ABCB8: variants seen among roughly 807,000 people sequenced by gnomAD.
ABCB8 encodes the protein mitochondrial potassium channel ATP-binding subunit.
In ABCB8, 52 loss-of-function variants were observed where a neutral mutation model predicts 73.0. That is an observed-to-expected ratio of 0.71 (90% CI 0.57 to 0.90). The LOEUF (loss-of-function observed/expected upper bound fraction) is 0.90, where lower values mean the gene tolerates loss of function less well. Among genes scored for constraint, ABCB8 ranks in the 40% least tolerant of loss-of-function variants. The pLI, the probability that ABCB8 is intolerant of heterozygous loss-of-function variation, is 0.00. For missense variants in ABCB8, 909 were observed against 974.6 expected (o/e 0.93, Z 0.90); for synonymous variants, 428 against 423.5 (o/e 1.01, Z -0.13).
In ABCB8 at chr7:151,037,473, C is replaced by T. The variant is rs571834475; in HGVS notation, c.1217+824C>T. On this transcript the variant is annotated intron_variant, in intron 9 of 15. Coordinates refer to ENST00000358849, the MANE Select transcript of ABCB8 (RefSeq NM_007188.5). The stretch of plus-strand genomic sequence containing the variant: ...CCTCTGGGATGACCAGAGCTGATCA[C>T]CAGACAGCTCAAGGCGGGCCTCCCC... 9.7e-4 allele frequency: 608 copies of T among 627,368 alleles called. 3 individuals are homozygous for T. Among genetic ancestry groups the T allele is most frequent in the Admixed American group, 2.4e-3 (104 of 42,504 alleles). 38.9% of individuals were successfully genotyped at this position (627,368 alleles called of 1,614,324 possible). A position where few individuals can be genotyped will look rare whatever the true frequency, so the allele number is the denominator to read the frequency against.
At chr7:151,031,302 C>T in intron 1 of ABCB8, 1 of 1,545,598 alleles carries the variant, frequency 6.5e-7, no homozygotes, top group East Asian at 2.4e-5. Context: ...GTAAGCGTCT[C>T]TATCTTTCTA....
intron 9 of ABCB8, chr7:151,039,108 C>T (rs1283669849): frequency 1.3e-5 from 2 of 152,290 alleles, no homozygotes; most frequent in Admixed American, 6.5e-5. Flanking sequence ...AGGCCCGTAG[C>T]CTACAGCCCA....
At chr7:151,033,190 G>A (rs1343064503) in intron 1 of ABCB8, 4 of 436,922 alleles carry the variant, frequency 9.2e-6, no homozygotes, top group African/African-American at 2.0e-5. Flanking sequence ...CACAGGAGCA[G>A]CTCTCTTTCC....
At chr7:151,036,221 C>G (rs1373981613) in intron 8 of ABCB8, 51 bp downstream of exon 8, 3 of 1,529,352 alleles carry the variant, frequency 2.0e-6, no homozygotes, top group Admixed American at 1.9e-5. Context: ...TGGGGAGGAG[C>G]TGGGAGCAGC....
At chr7:151,029,204 G>A (rs1294275175) in intron 1 of ABCB8, 1 of 203,512 alleles carries the variant, frequency 4.9e-6, no homozygotes, top group African/African-American at 2.4e-5. Context: ...GGAAGGCTGG[G>A]GCAGGAGAAT....
At chr7:151,032,274 T>C (rs1378586253) in intron 1 of ABCB8, among the ~76,000 whole-genome samples, 2 of 152,214 alleles carry the variant, frequency 1.3e-5, no homozygotes, top group Non-Finnish European at 2.9e-5. Context: ...TCAAGCTGTT[T>C]TGTGCCTCTG....
intron 12 of ABCB8, 24 bp downstream of exon 12, chr7:151,040,946 C>G: frequency 6.3e-7 from 1 of 1,597,164 alleles, no homozygotes; most frequent in South Asian, 1.1e-5. Context: ...ACCACCTCTT[C>G]ACCCTCTGAC....
Position 151,035,885 on chromosome 7 carries a change from G to A in ABCB8, c.931G>A (p.Ala311Thr), listed in dbSNP as rs763118021. Residue 311 changes from alanine to threonine, a missense_variant, in exon 7 of 16, where the codon GCC becomes ACC. Ala to Thr is a moderately conservative substitution (Grantham distance 58). Coordinates refer to ENST00000358849, the MANE Select transcript of ABCB8 (RefSeq NM_007188.5). ...CTGTTTCCTGGACTCCTTGCAGATC[G>A]CCAGGGCAATGGGCGTAGCAGACGA... is the stretch of plus-strand genomic sequence containing the variant. The part of the protein sequence containing the change: ...KLSRQCQEQI[A>T]RAMGVADEAL... 51 of 1,613,138 alleles carry A rather than the reference G, an allele frequency of 3.2e-5. No individual in the cohort carries two copies. In the Admixed American group the frequency reaches 4.2e-4, roughly 13 times the overall value.
intron 14 of ABCB8, 66 bp from the exon 15 acceptor site, chr7:151,043,905 G>C: frequency 6.3e-7 from 1 of 1,586,892 alleles, no homozygotes; most frequent in Non-Finnish European, 8.6e-7. Context: ...GAAGGACCCT[G>C]TGCCCCTTTG....
chr7:151,034,152 G>T (rs569253318), intron 2 of ABCB8, 121 bp from the exon 3 acceptor site: 72 of 1,282,200 alleles, frequency 5.6e-5, no homozygotes, highest in Admixed American at 1.3e-4. Context: ...CACATGACCA[G>T]CCACAACCTG....
rs1796233807 is a variant in ABCB8 at position 151,033,936 on chromosome 7, C to T, written c.408+19C>T. 6.4e-7 allele frequency: 1 copy of T among 1,566,716 alleles called. No individual in the cohort carries two copies. Among genetic ancestry groups the T allele is most frequent in the South Asian group, 1.2e-5 (1 of 84,762 alleles). ...CGTCGTGGTGAGGCTTTCCCCACTT[C>T]TCCATCCTGGGGACAGGGCAGGACC... On this transcript the variant is annotated intron_variant, in intron 2 of 15. Coordinates refer to ENST00000358849, the MANE Select transcript of ABCB8 (RefSeq NM_007188.5).
intron 15 of ABCB8, among the ~76,000 whole-genome samples, 165 bp downstream of exon 15, chr7:151,044,386 G>A (rs1796559580): frequency 6.6e-6 from 1 of 152,194 alleles, no homozygotes; most frequent in Non-Finnish European, 1.5e-5. Flanking sequence ...CCTGCATTCA[G>A]CCAAGCCCTG....
At position 151,045,416 on chromosome 7, in the gene ABCB8, G is replaced by C. The variant is rs960364854; in HGVS notation, c.*67G>C. 5 of 1,399,148 alleles carry C rather than the reference G, an allele frequency of 3.6e-6. No homozygotes were observed. In the African/African-American group the frequency reaches 7.5e-5, roughly 21 times the overall value. 86.7% of individuals were successfully genotyped at this position (1,399,148 alleles called of 1,614,324 possible). On this transcript the variant is annotated 3_prime_UTR_variant, in exon 16 of 16. Coordinates refer to ENST00000358849, the MANE Select transcript of ABCB8 (RefSeq NM_007188.5). ...TAGGGCTGGGGCTCAGCCTGGGGGA[G>C]CCTACTGGGGACTGAGCCCCCAGGA...
intron 1 of ABCB8, among the ~76,000 whole-genome samples, chr7:151,032,374 C>T (rs561021047): frequency 6.6e-6 from 1 of 152,346 alleles, no homozygotes; most frequent in South Asian, 2.1e-4. Flanking sequence ...TAACTCCGAG[C>T]AGAGCACCTG....
At position 151,040,694 on chromosome 7, in the gene ABCB8, T is replaced by C. The variant is rs374725515; in HGVS notation, c.1388+60T>C. 21 of 1,599,836 alleles carry C rather than the reference T, an allele frequency of 1.3e-5. No homozygotes were observed. The East Asian group carries it at 2.5e-4, about 19-fold the overall frequency. On this transcript the variant is annotated intron_variant, in intron 11 of 15. Transcript: ENST00000358849. ...CTGGGCCGGGGATGAGGCGAGTGGA[T>C]TCGGGGGTGGAGGTCTGGACTAATG...
chr7:151,031,629 A>T, intron 1 of ABCB8: 1 of 185,588 alleles, frequency 5.4e-6, no homozygotes, highest in Non-Finnish European at 1.1e-5. Context: ...CCCCTCTGCT[A>T]TGATCTTTTT....
chr7:151,040,788 G>A, intron 11 of ABCB8, 40 bp from the exon 12 acceptor site: 1 of 1,589,538 alleles, frequency 6.3e-7, no homozygotes, highest in Non-Finnish European at 8.6e-7. Flanking sequence ...AACAAGGGCT[G>A]GGAGCCTGGT....
chr7:151,034,535 C>T lies in ABCB8; in HGVS notation c.595C>T (p.Leu199=). 1 of 1,613,530 alleles carries T rather than the reference C, an allele frequency of 6.2e-7. No individual in the cohort carries two copies. Among genetic ancestry groups the T allele is most frequent in the Non-Finnish European group, 8.5e-7 (1 of 1,180,024 alleles). The part of the protein sequence containing the change: ...GLLTFGYLVL[L]SHVGERMAVD... ...GCTGACCTTCGGGTACCTGGTGCTGCTGTCCCACGTTGGCGAGCGCATGGC... is the reference window on the plus strand; with the variant it reads ...GCTGACCTTCGGGTACCTGGTGCTGTTGTCCCACGTTGGCGAGCGCATGGC... Residue 199 remains leucine, a synonymous_variant, in exon 4 of 16, where the codon CTG becomes TTG. Transcript: ENST00000358849.
At position 151,033,866 on chromosome 7, in the gene ABCB8, C is replaced by T. The variant is rs771241217; in HGVS notation, c.357C>T (p.Leu119=). Residue 119 remains leucine, a synonymous_variant, in exon 2 of 16, where the codon CTC becomes CTT. Coordinates refer to ENST00000358849, the MANE Select transcript of ABCB8 (RefSeq NM_007188.5). The part of the protein sequence containing the change: ...HVVGSRFNWK[L]FWQFLHPHLL... ...TGGGGTCTCGCTTTAACTGGAAGCT[C>T]TTCTGGCAGTTTCTGCACCCCCACC... The T allele has an allele frequency of 6.2e-7, 1 of 1,612,212 alleles. No individual in the cohort carries two copies. Among genetic ancestry groups the T allele is most frequent in the Non-Finnish European group, 8.5e-7 (1 of 1,178,972 alleles).
Sources: allele counts gnomAD v4.1 joint callset (sites outside exome capture counted in the v4.1 genomes callset), GRCh38; gene constraint gnomAD v4.1.1; transcripts MANE v1.5; gene names NCBI Gene and HGNC (gene_info 2026-07-23, HGNC 2026-07-21).